SORCS3: variants seen among roughly 807,000 people sequenced by gnomAD.
SORCS3 encodes the protein sortilin related VPS10 domain containing receptor 3, also known as VPS10 domain-containing receptor SorCS3.
SORCS3 carries 57 observed loss-of-function variants against 146.3 expected under a neutral mutation model. The observed-to-expected ratio is 0.39, with a 90% CI of 0.31 to 0.49. SORCS3 has a LOEUF of 0.49. Among genes scored for constraint, SORCS3 ranks in the 20% least tolerant of loss-of-function variants. The pLI is 0.92. For missense variants in SORCS3, 1,341 were observed against 1,575.5 expected (o/e 0.85, Z 2.52); for synonymous variants, 653 against 618.5 (o/e 1.06, Z -0.83).
At chr10:105,187,982 GTGGTGGTGGTGCTGCTGCTGC>G (rs2056489901) in intron 14 of SORCS3, among the ~76,000 whole-genome samples, 1 of 152,082 alleles carries the variant, frequency 6.6e-6, no homozygotes, top group East Asian at 1.9e-4. Flanking sequence ...TTTTTAAATG[GTGGTGGTGGTGCTGCTGCTGC>G]TGGTGGTGGT....
At chr10:105,140,497 T>C (rs1198201434) in intron 8 of SORCS3, among the ~76,000 whole-genome samples, 4 of 152,108 alleles carry the variant, frequency 2.6e-5, no homozygotes, top group Non-Finnish European at 4.4e-5. Flanking sequence ...TAAGCAACGA[T>C]AGGTATGAGA....
chr10:105,048,575 A>G (rs1366709971), intron 5 of SORCS3, among the ~76,000 whole-genome samples: 3 of 148,904 alleles, frequency 2.0e-5, no homozygotes, highest in South Asian at 2.2e-4. Context: ...TAGGAGATAT[A>G]CCTAATGTTA....
intron 23 of SORCS3, among the ~76,000 whole-genome samples, chr10:105,255,048 C>G (rs1214107895): frequency 6.6e-6 from 1 of 151,610 alleles, no homozygotes; most frequent in Non-Finnish European, 1.5e-5. Context: ...ATTAGCCGGG[C>G]GAGGAGGCGT....
chr10:105,144,030 A>T (rs908013998), intron 8 of SORCS3, among the ~76,000 whole-genome samples: 9 of 152,158 alleles, frequency 5.9e-5, no homozygotes, highest in Admixed American at 5.2e-4. Flanking sequence ...ATCCTCTCTA[A>T]CTAAATCTCT....
intron 1 of SORCS3, among the ~76,000 whole-genome samples, chr10:104,785,937 G>A (rs1018253132): frequency 6.6e-6 from 1 of 152,220 alleles, no homozygotes; most frequent in African/African-American, 2.4e-5. Context: ...TGGACCTGTG[G>A]TGTTAGTAAT....
At position 104,683,228 on chromosome 10, in the gene SORCS3, T is replaced by C. The variant is rs1015828427; in HGVS notation, c.627+41274T>C. Among the ~76,000 whole-genome samples, 3 of 152,224 alleles carry C rather than the reference T, an allele frequency of 2.0e-5. 1 individual carries two copies. The highest frequency in any genetic ancestry group is 2.0e-4 in the Admixed American group (3 of 15,280). On this transcript the variant is annotated intron_variant, in intron 1 of 26. Coordinates refer to ENST00000369701, the MANE Select transcript of SORCS3 (RefSeq NM_014978.3). ...AGAAGACTTTGAGAAGGAGAAAGCC[T>C]TTTTAAATTTGGGGCACAGTACTCA...
At position 105,179,983 on chromosome 10, in the gene SORCS3, G is replaced by A. The variant is rs114677831; in HGVS notation, c.2009+1810G>A. 8.1e-3 allele frequency among the ~76,000 whole-genome samples: 1,225 copies of A among 152,162 alleles called. 18 individuals are homozygous for A. Among genetic ancestry groups the A allele is most frequent in the African/African-American group, 0.028 (1,158 of 41,510 alleles). On this transcript the variant is annotated intron_variant, in intron 14 of 26. Coordinates refer to ENST00000369701, the MANE Select transcript of SORCS3 (RefSeq NM_014978.3). ...TCTCTCTTTAGCTCTGTGTGGTCAG[G>A]GAGAAAAAACAGCCACTCTAAGGTT...
chr10:104,724,382 G>A (rs1349619808), intron 1 of SORCS3, among the ~76,000 whole-genome samples: 3 of 152,092 alleles, frequency 2.0e-5, no homozygotes, highest in South Asian at 2.1e-4. Context: ...TGGGTAACCC[G>A]ACCTTTCTCT....
intron 8 of SORCS3, among the ~76,000 whole-genome samples, chr10:105,144,917 A>G (rs2056120670): frequency 1.3e-5 from 2 of 152,140 alleles, no homozygotes; most frequent in Non-Finnish European, 2.9e-5. Context: ...ACCCCATTCA[A>G]CCATAAAGAC....
intron 1 of SORCS3, among the ~76,000 whole-genome samples, chr10:104,731,651 A>G (rs142008924): frequency 6.6e-6 from 1 of 152,262 alleles, no homozygotes; most frequent in African/African-American, 2.4e-5. Context: ...TGGAACTTAC[A>G]TGCTTTTCCA....
At chr10:104,845,862 A>C (rs1221945722) in intron 2 of SORCS3, among the ~76,000 whole-genome samples, 1 of 152,190 alleles carries the variant, frequency 6.6e-6, no homozygotes, top group Non-Finnish European at 1.5e-5. Flanking sequence ...GGCAAAGTCC[A>C]GGTGAGGCTG....
intron 5 of SORCS3, among the ~76,000 whole-genome samples, chr10:105,077,457 C>T (rs1020901689): frequency 6.6e-6 from 1 of 151,656 alleles, no homozygotes; most frequent in African/African-American, 2.4e-5. Context: ...CGTGCATATT[C>T]TGAGCAACTT....
At chr10:104,893,871 G>A (rs959819317) in intron 2 of SORCS3, among the ~76,000 whole-genome samples, 11 of 152,080 alleles carry the variant, frequency 7.2e-5, no homozygotes, top group African/African-American at 2.4e-4. Flanking sequence ...TAAGGACCTC[G>A]GGTTTTCTCC....
At chr10:104,954,177 G>A (rs1291450744) in intron 3 of SORCS3, among the ~76,000 whole-genome samples, 1 of 152,162 alleles carries the variant, frequency 6.6e-6, no homozygotes, top group Non-Finnish European at 1.5e-5. Context: ...GCATCCAAGA[G>A]GGAATCTCAA....
chr10:105,079,911 GGT>G (rs2055612119), intron 5 of SORCS3, among the ~76,000 whole-genome samples: 1 of 152,210 alleles, frequency 6.6e-6, no homozygotes, highest in South Asian at 2.1e-4. Flanking sequence ...ATGGCTGCAT[GGT>G]GTACCATGGT....
intron 1 of SORCS3, among the ~76,000 whole-genome samples, chr10:104,688,319 G>T (rs531125164): frequency 1.3e-5 from 2 of 152,210 alleles, no homozygotes; most frequent in Admixed American, 1.3e-4. Context: ...GGGACGATTC[G>T]GGTGAAGGGA....
chr10:104,862,279 C>T (rs1320407619), intron 2 of SORCS3, among the ~76,000 whole-genome samples: 4 of 152,078 alleles, frequency 2.6e-5, no homozygotes, highest in Admixed American at 2.0e-4. Context: ...TGACTGGAAT[C>T]TTTCAATGAT....
At chr10:105,161,251 G>T (rs892560205) in intron 11 of SORCS3, among the ~76,000 whole-genome samples, 2 of 152,154 alleles carry the variant, frequency 1.3e-5, no homozygotes. Flanking sequence ...TCACTGGCGC[G>T]TGCCTCTTCA....
At position 105,216,995 on chromosome 10, in the gene SORCS3, C is replaced by T. The variant is rs527874475; in HGVS notation, c.2607C>T (p.Tyr869=). The T allele has an allele frequency of 2.9e-5, 47 of 1,614,122 alleles. No individual in the cohort carries two copies. Among genetic ancestry groups the T allele is most frequent in the South Asian group, 1.8e-4 (16 of 91,072 alleles). Residue 869 remains tyrosine (Y), a synonymous_variant, in exon 19 of 27, where the codon TAC becomes TAT. Transcript: ENST00000369701. ...LDFGDGIAVS[Y]ANFSPIEDGI... The stretch of plus-strand genomic sequence containing the variant: ...TTGGGGATGGGATTGCTGTGTCCTA[C>T]GCAAACTTCAGCCCCATCGAGGACG...
Sources: gnomAD v4.1 joint callset for allele counts (sites outside exome capture counted in the v4.1 genomes callset) on GRCh38, gnomAD v4.1.1 for gene constraint, MANE v1.5 for transcripts, NCBI Gene and HGNC (gene_info 2026-07-23, HGNC 2026-07-21) for gene names.